The following WWTR1 variants were observed in gnomAD, a reference collection of about 807,000 sequenced individuals.
WWTR1 encodes the protein WW domain containing transcription regulator 1, also known as WW domain-containing transcription regulator protein 1.
Under a neutral mutation model 40.1 loss-of-function variants are expected in WWTR1, and 13 were observed. The ratio of observed to expected loss-of-function variants is 0.32; its 90% confidence interval spans 0.21 to 0.52. The LOEUF (loss-of-function observed/expected upper bound fraction) is 0.52, where lower values mean the gene tolerates loss of function less well. Ranked by LOEUF, WWTR1 falls within the 20% of genes least tolerant of loss-of-function variation. WWTR1 has a pLI of 0.97. For synonymous variants in WWTR1, 230 were observed against 210.1 expected, an observed-to-expected ratio of 1.09 and a Z score of -0.82; for missense variants, 436 against 523.1, an observed-to-expected ratio of 0.83 and a Z score of 1.63.
chr3:149,551,721 C>G (rs1736624726), intron 3 of WWTR1, among the ~76,000 whole-genome samples: 1 of 145,376 alleles, frequency 6.9e-6, no homozygotes, highest in African/African-American at 2.6e-5. Context: ...TCACTCCAGG[C>G]CTATGGCCAT....
At chr3:149,687,918 C>A (rs1326182573) in intron 1 of WWTR1, among the ~76,000 whole-genome samples, 2 of 151,786 alleles carry the variant, frequency 1.3e-5, no homozygotes, top group Admixed American at 6.6e-5. Flanking sequence ...CACCTGCTTA[C>A]TAAAGGGTCC....
In WWTR1 at chr3:149,628,912, C is replaced by A. The variant is rs148986950; in HGVS notation, c.431+27964G>T. On this transcript the variant is annotated intron_variant, in intron 2 of 6. Transcript: ENST00000360632. Reference sequence around the variant, plus strand: ...CCTCAGCCTCCTGAGTAGCTGGGACCACAGACACATACCACCCTGCCTGGC... The same window carrying A: ...CCTCAGCCTCCTGAGTAGCTGGGACAACAGACACATACCACCCTGCCTGGC... Among the ~76,000 whole-genome samples, 7 of 151,866 alleles carry A rather than the reference C, an allele frequency of 4.6e-5. No individual in the cohort carries two copies. The East Asian group carries it at 1.4e-3, about 29-fold the overall frequency.
chr3:149,694,040 T>A (rs935243112), intron 1 of WWTR1, among the ~76,000 whole-genome samples: 1 of 152,144 alleles, frequency 6.6e-6, no homozygotes, highest in Non-Finnish European at 1.5e-5. Context: ...AAGGATATTA[T>A]CAATGAAGTG....
rs1437129600 is a variant in WWTR1, at chr3:149,526,009, C to T, written c.1018+4G>A. 5.1e-6 allele frequency: 8 copies of T among 1,572,082 alleles called. No homozygotes were observed. The East Asian group carries it at 1.6e-4, about 32-fold the overall frequency. Reference sequence around the variant, plus strand: ...TTGTAAGTGCTTGCAGGCTTTGCTCCTACCTGTATCCATCTCATCCACATT... The same window carrying T: ...TTGTAAGTGCTTGCAGGCTTTGCTCTTACCTGTATCCATCTCATCCACATT... On this transcript the variant is annotated splice_donor_region_variant and intron_variant, in intron 6 of 6. Coordinates refer to ENST00000360632, the MANE Select transcript of WWTR1 (RefSeq NM_015472.6).
intron 2 of WWTR1, among the ~76,000 whole-genome samples, chr3:149,577,932 T>A (rs1737961353): frequency 6.6e-6 from 1 of 151,914 alleles, no homozygotes; most frequent in African/African-American, 2.4e-5. Flanking sequence ...TTCATGACCT[T>A]TCACCTTGAT....
chr3:149,529,557 A>G (rs1735473972), intron 4 of WWTR1, among the ~76,000 whole-genome samples: 1 of 151,896 alleles, frequency 6.6e-6, no homozygotes, highest in African/African-American at 2.4e-5. Context: ...GCAAACCAAA[A>G]ACTGGAGATT....
At chr3:149,636,966 G>GA (rs397950107) in intron 2 of WWTR1, among the ~76,000 whole-genome samples, 20,310 of 43,160 alleles carry the variant, frequency 0.47, 5,226 homozygotes, top group Non-Finnish European at 0.52. Flanking sequence ...TGTCTCAAGT[G>GA]AAAAAAAAAA....
rs185933680 is a variant in WWTR1 at position 149,624,984 on chromosome 3, G to A, written c.431+31892C>T. ...GACCTCAAGTGATCCACACACCTCA[G>A]CCTCCCAAAGCGCTGGGATTATATG... On this transcript the variant is annotated intron_variant, in intron 2 of 6. Coordinates refer to ENST00000360632, the MANE Select transcript of WWTR1 (RefSeq NM_015472.6). 4.9e-3 allele frequency among the ~76,000 whole-genome samples: 742 copies of A among 151,818 alleles called. 5 individuals carry two copies. The highest frequency in any genetic ancestry group is 0.017 in the African/African-American group (704 of 41,410).
intron 4 of WWTR1, 63 bp downstream of exon 4, chr3:149,542,272 C>T (rs1736138841): frequency 3.2e-6 from 5 of 1,552,466 alleles, no homozygotes; most frequent in Admixed American, 1.8e-5. Context: ...TAAGCAGCTA[C>T]CTACCCATCA....
intron 5 of WWTR1, among the ~76,000 whole-genome samples, chr3:149,715,003 G>GA (rs1237585990): frequency 3.3e-5 from 5 of 152,136 alleles, no homozygotes; most frequent in Non-Finnish European, 5.9e-5. Context: ...GCTGACAGCT[G>GA]AAAACTCGTC....
At chr3:149,690,818 C>A (rs1714799749) in intron 1 of WWTR1, among the ~76,000 whole-genome samples, 1 of 152,182 alleles carries the variant, frequency 6.6e-6, no homozygotes, top group African/African-American at 2.4e-5. Context: ...AATTAACATT[C>A]TTCTCCTCAA....
chr3:149,523,012 G>A (rs1457457878), intron 6 of WWTR1, among the ~76,000 whole-genome samples: 1 of 150,892 alleles, frequency 6.6e-6, no homozygotes, highest in Non-Finnish European at 1.5e-5. Flanking sequence ...GTTGCAATGA[G>A]CTGAGATCAC....
intron 2 of WWTR1, among the ~76,000 whole-genome samples, chr3:149,641,674 T>G (rs1193664531): frequency 6.6e-6 from 1 of 152,262 alleles, no homozygotes; most frequent in Non-Finnish European, 1.5e-5. Context: ...AATTGGGATC[T>G]AACCTTTAAA....
intron 5 of WWTR1, among the ~76,000 whole-genome samples, chr3:149,714,727 G>A (rs1168822926): frequency 6.6e-6 from 1 of 152,192 alleles, no homozygotes; most frequent in Non-Finnish European, 1.5e-5. Context: ...TTCAAGCCAA[G>A]GGGGGCCTGA....
upstream of WWTR1, among the ~76,000 whole-genome samples, chr3:149,703,772 T>C (rs369559623): frequency 3.2e-4 from 49 of 152,190 alleles, no homozygotes; most frequent in African/African-American, 1.1e-3. Flanking sequence ...AGCCTAGCAA[T>C]TCCTCACTGT....
chr3:149,694,288 G>C (rs1381778768), intron 1 of WWTR1, among the ~76,000 whole-genome samples: 1 of 152,184 alleles, frequency 6.6e-6, no homozygotes, highest in African/African-American at 2.4e-5. Flanking sequence ...CAGCTACTCA[G>C]GAGGCTGAGG....
At chr3:149,700,002 A>G (rs1194317536) in intron 1 of WWTR1, among the ~76,000 whole-genome samples, 1 of 152,248 alleles carries the variant, frequency 6.6e-6, no homozygotes, top group Non-Finnish European at 1.5e-5. Context: ...TTTATAAAGA[A>G]CAGAGGTTTA....
chr3:149,522,882 CAACA>C (rs756038702), intron 6 of WWTR1, among the ~76,000 whole-genome samples: 2 of 151,516 alleles, frequency 1.3e-5, no homozygotes, highest in South Asian at 2.1e-4. Context: ...ACTAAAAATA[CAACA>C]AACAAACAAA....
chr3:149,579,734 T>C (rs779982076), intron 2 of WWTR1, among the ~76,000 whole-genome samples: 5 of 152,146 alleles, frequency 3.3e-5, no homozygotes, highest in Non-Finnish European at 5.9e-5. Flanking sequence ...TTTCAGAAAA[T>C]CAGATTTTTA....
Sources: allele counts gnomAD v4.1 joint callset (sites outside exome capture counted in the v4.1 genomes callset), GRCh38; gene constraint gnomAD v4.1.1; transcripts MANE v1.5; gene names NCBI Gene and HGNC (gene_info 2026-07-23, HGNC 2026-07-21).